The following IMMP2L variants were observed in gnomAD, a reference collection of about 807,000 sequenced individuals.
The protein encoded by IMMP2L is mitochondrial inner membrane protease subunit 2.
Under a neutral mutation model 19.3 loss-of-function variants are expected in IMMP2L, and 18 were observed. The observed-to-expected ratio is 0.93, with a 90% CI of 0.64 to 1.38. The LOEUF (loss-of-function observed/expected upper bound fraction) is 1.38, where lower values mean the gene tolerates loss of function less well. Among genes scored for constraint, IMMP2L ranks in the 40% most tolerant of loss-of-function variants. The pLI, the probability that IMMP2L is intolerant of heterozygous loss-of-function variation, is 0.00. For synonymous variants in IMMP2L, 76 were observed against 73.0 expected (o/e 1.04, Z -0.21); for missense variants, 233 against 218.2 (o/e 1.07, Z -0.43).
intron 3 of IMMP2L, among the ~76,000 whole-genome samples, chr7:111,064,927 C>T (rs1178422897): frequency 1.3e-5 from 2 of 152,140 alleles, no homozygotes; most frequent in Non-Finnish European, 2.9e-5. Context: ...TGAGAAACTA[C>T]AACAGGCCAA....
At chr7:111,179,713 T>C (rs1807494826) in intron 3 of IMMP2L, among the ~76,000 whole-genome samples, 1 of 152,068 alleles carries the variant, frequency 6.6e-6, no homozygotes, top group South Asian at 2.1e-4. Flanking sequence ...GCTATCAAAG[T>C]CCTACACGGC....
chr7:111,151,966 T>C (rs571882919), intron 3 of IMMP2L, among the ~76,000 whole-genome samples: 6 of 151,960 alleles, frequency 3.9e-5, no homozygotes, highest in African/African-American at 1.2e-4. Flanking sequence ...AAAACAATAT[T>C]TGAGATTAAG....
intron 4 of IMMP2L, among the ~76,000 whole-genome samples, chr7:110,915,278 T>C (rs1585249416): frequency 6.6e-6 from 1 of 152,196 alleles, no homozygotes. Flanking sequence ...CAAATATTAT[T>C]CAGCCATAAA....
At chr7:111,072,048 G>A (rs1287407834) in intron 3 of IMMP2L, among the ~76,000 whole-genome samples, 1 of 151,986 alleles carries the variant, frequency 6.6e-6, no homozygotes, top group Non-Finnish European at 1.5e-5. Flanking sequence ...GGCAATTTAA[G>A]AATCACAATA....
In IMMP2L at chr7:110,692,581, G is replaced by T. The variant is rs139081526; in HGVS notation, c.409-28860C>A. ...AATCTACACATTGTTAACCATAACA[G>T]TTGCATTTGATTTCACTGAAAATAA... On this transcript the variant is annotated intron_variant, in intron 5 of 5. Coordinates refer to ENST00000405709, the MANE Select transcript of IMMP2L (RefSeq NM_032549.4). 5.5e-3 allele frequency among the ~76,000 whole-genome samples: 832 copies of T among 152,140 alleles called. 2 individuals are homozygous for T. Among genetic ancestry groups the T allele is most frequent in the Non-Finnish European group, 8.3e-3 (562 of 68,000 alleles).
rs115230402 is a variant in IMMP2L at position 111,443,285 on chromosome 7, T to C, written c.239+43953A>G. ...CTTATACCTCTGTTCAATACAGTAA[T>C]CCAAATTTTCAAATGCAATAAGTTA... On this transcript the variant is annotated intron_variant, in intron 3 of 5. Coordinates refer to ENST00000405709, the MANE Select transcript of IMMP2L (RefSeq NM_032549.4). Among the ~76,000 whole-genome samples the C allele has an allele frequency of 6.5e-3, 974 of 149,908 alleles. 30 individuals carry two copies. The highest frequency in any genetic ancestry group is 0.022 in the African/African-American group (860 of 39,336).
intron 2 of IMMP2L, among the ~76,000 whole-genome samples, chr7:111,503,853 C>T (rs1350844286): frequency 2.0e-5 from 3 of 152,114 alleles, no homozygotes; most frequent in Admixed American, 1.3e-4. Flanking sequence ...GACAAACCCA[C>T]AGCCAATATC....
At chr7:110,807,322 AT>A (rs1157634543) in intron 5 of IMMP2L, among the ~76,000 whole-genome samples, 2 of 152,000 alleles carry the variant, frequency 1.3e-5, no homozygotes, top group African/African-American at 2.4e-5. Flanking sequence ...CCAGGAGGAC[AT>A]TTCTTTGGCC....
In IMMP2L at chr7:110,773,914, A is replaced by AT. The variant is rs1229893220; in HGVS notation, c.409-110194_409-110193insA. Among the ~76,000 whole-genome samples, 7 of 151,752 alleles carry AT rather than the reference A, an allele frequency of 4.6e-5. 1 individual carries two copies. The highest frequency in any genetic ancestry group is 2.4e-5 in the African/African-American group (1 of 41,266). Reference sequence around the variant, plus strand: ...AATCATGACATTGGGTAAAATAAAAAAAAAAAAATGTTTATAAGTAGCCAT... The same window carrying AT: ...AATCATGACATTGGGTAAAATAAAAATAAAAAAAATGTTTATAAGTAGCCAT... On this transcript the variant is annotated intron_variant, in intron 5 of 5. Coordinates refer to ENST00000405709, the MANE Select transcript of IMMP2L (RefSeq NM_032549.4).
At chr7:110,699,551 A>G (rs2130620421) in intron 5 of IMMP2L, among the ~76,000 whole-genome samples, 1 of 152,248 alleles carries the variant, frequency 6.6e-6, no homozygotes, top group East Asian at 1.9e-4. Context: ...CGGGCGGATC[A>G]TCTGAGGTCA....
At chr7:110,853,507 G>A (rs535082708) in intron 5 of IMMP2L, among the ~76,000 whole-genome samples, 7 of 152,110 alleles carry the variant, frequency 4.6e-5, no homozygotes, top group African/African-American at 1.7e-4. Flanking sequence ...AGACAGTACA[G>A]GCTGGTTTCC....
chr7:110,743,294 T>C (rs1166062021), intron 5 of IMMP2L, among the ~76,000 whole-genome samples: 1 of 152,184 alleles, frequency 6.6e-6, no homozygotes, highest in Admixed American at 6.5e-5. Flanking sequence ...AATTATATTT[T>C]AGATAGTAAT....
At chr7:110,998,517 T>C (rs1823278238) in intron 3 of IMMP2L, among the ~76,000 whole-genome samples, 1 of 152,172 alleles carries the variant, frequency 6.6e-6, no homozygotes, top group African/African-American at 2.4e-5. Context: ...TTAGTAAACA[T>C]TTTATCTAAG....
chr7:111,304,670 ATG>A (rs147788856), intron 3 of IMMP2L, among the ~76,000 whole-genome samples: 7,625 of 125,972 alleles, frequency 0.061, 257 homozygotes, highest in African/African-American at 0.1. Flanking sequence ...CACATATATA[ATG>A]TGTGTGTGTG....
At chr7:110,959,465 T>C (rs1427594428) in intron 4 of IMMP2L, among the ~76,000 whole-genome samples, 1 of 151,910 alleles carries the variant, frequency 6.6e-6, no homozygotes, top group African/African-American at 2.4e-5. Flanking sequence ...AATATTCTAT[T>C]CCCTACATAC....
chr7:111,086,490 T>C (rs755607020), intron 3 of IMMP2L, among the ~76,000 whole-genome samples: 16 of 151,974 alleles, frequency 1.1e-4, no homozygotes, highest in South Asian at 2.1e-4. Context: ...TATAGGTAAA[T>C]AAGAACCTCT....
At chr7:111,539,388 G>A (rs1424173248) in intron 1 of IMMP2L, among the ~76,000 whole-genome samples, 3 of 152,014 alleles carry the variant, frequency 2.0e-5, no homozygotes, top group Non-Finnish European at 4.4e-5. Flanking sequence ...CAGTAAAGAT[G>A]GATAAGAAGG....
At chr7:111,340,789 G>A (rs903044042) in intron 3 of IMMP2L, among the ~76,000 whole-genome samples, 1 of 152,052 alleles carries the variant, frequency 6.6e-6, no homozygotes, top group Non-Finnish European at 1.5e-5. Context: ...TAGCAGGAAT[G>A]AACCTCACCT....
At chr7:111,517,117 T>G (rs542285718) in intron 2 of IMMP2L, among the ~76,000 whole-genome samples, 39 of 150,444 alleles carry the variant, frequency 2.6e-4, no homozygotes, top group Non-Finnish European at 5.0e-4. Flanking sequence ...TAAAATTTTT[T>G]AAAAAAAACA....
Sources: gnomAD v4.1 joint callset for allele counts (sites outside exome capture counted in the v4.1 genomes callset) on GRCh38, gnomAD v4.1.1 for gene constraint, MANE v1.5 for transcripts, NCBI Gene and HGNC (gene_info 2026-07-23, HGNC 2026-07-21) for gene names.